THSD7B: variants seen among roughly 807,000 people sequenced by gnomAD.
The protein encoded by THSD7B is thrombospondin type-1 domain-containing protein 7B.
THSD7B carries 138 observed loss-of-function variants against 213.6 expected under a neutral mutation model. The observed-to-expected ratio is 0.65, with a 90% confidence interval of 0.56 to 0.74. The LOEUF (loss-of-function observed/expected upper bound fraction) is 0.74. Among genes scored for constraint, THSD7B ranks in the 30% least tolerant of loss-of-function variants. The pLI is 0.00. For missense variants in THSD7B, 1,931 were observed against 1,991.5 expected, an observed-to-expected ratio of 0.97 and a Z score of 0.58; for synonymous variants, 742 against 687.0, an observed-to-expected ratio of 1.08 and a Z score of -1.25.
At chr2:136,968,450 A>T (rs186511866) in intron 2 of THSD7B, among the ~76,000 whole-genome samples, 37 of 151,906 alleles carry the variant, frequency 2.4e-4, no homozygotes, top group Non-Finnish European at 3.1e-4. Flanking sequence ...TACCCATTTG[A>T]GTATTTAGGT....
chr2:137,212,552 T>A (rs369868858), intron 7 of THSD7B, among the ~76,000 whole-genome samples: 42 of 152,196 alleles, frequency 2.8e-4, no homozygotes, highest in African/African-American at 9.4e-4. Context: ...AAACATTGTC[T>A]GAATTGGGAC....
intron 7 of THSD7B, among the ~76,000 whole-genome samples, chr2:137,207,607 G>A (rs192525714): frequency 1.3e-5 from 2 of 152,138 alleles, no homozygotes; most frequent in Non-Finnish European, 2.9e-5. Flanking sequence ...ATAAGGATAG[G>A]CAGCCAGCAT....
At chr2:136,775,060 TATGAC>T (rs1681575232) in intron 1 of THSD7B, among the ~76,000 whole-genome samples, 3 of 152,138 alleles carry the variant, frequency 2.0e-5, no homozygotes, top group African/African-American at 7.2e-5. Flanking sequence ...CCTATGGAGA[TATGAC>T]ATGCACATTC....
chr2:137,320,758 C>A (rs28610357), intron 12 of THSD7B, among the ~76,000 whole-genome samples: 6,638 of 152,280 alleles, frequency 0.044, 454 homozygotes, highest in African/African-American at 0.14. Flanking sequence ...TTAATTCTTT[C>A]ATACCCCTGG....
At chr2:137,407,794 G>T (rs372137897) in intron 13 of THSD7B, among the ~76,000 whole-genome samples, 1 of 151,948 alleles carries the variant, frequency 6.6e-6, no homozygotes, top group South Asian at 2.1e-4. Flanking sequence ...TTCACTGAGC[G>T]TTCTGTATGT....
chr2:137,160,600 T>C (rs1318588330), intron 6 of THSD7B, among the ~76,000 whole-genome samples: 2 of 152,150 alleles, frequency 1.3e-5, no homozygotes, highest in African/African-American at 4.8e-5. Flanking sequence ...ACTACTCTAT[T>C]TGGTATAACT....
At chr2:137,035,184 A>C (rs1686752930) in intron 2 of THSD7B, among the ~76,000 whole-genome samples, 1 of 152,168 alleles carries the variant, frequency 6.6e-6, no homozygotes, top group African/African-American at 2.4e-5. Flanking sequence ...GTCTCTTATC[A>C]TTAGGCCATC....
chr2:137,558,176 C>G (rs944843716), intron 15 of THSD7B, among the ~76,000 whole-genome samples: 8 of 152,092 alleles, frequency 5.3e-5, no homozygotes, highest in Admixed American at 5.2e-4. Flanking sequence ...CTATTCCAAT[C>G]AATAGAAAAA....
chr2:137,295,696 G>T (rs186411370), intron 12 of THSD7B, among the ~76,000 whole-genome samples: 1 of 152,120 alleles, frequency 6.6e-6, no homozygotes, highest in African/African-American at 2.4e-5. Flanking sequence ...AGATGGTCTT[G>T]ATCTCCTGAT....
At chr2:136,955,603 T>TTTATA (rs1685110600) in intron 2 of THSD7B, among the ~76,000 whole-genome samples, 1 of 152,180 alleles carries the variant, frequency 6.6e-6, no homozygotes, top group African/African-American at 2.4e-5. Flanking sequence ...GACATGAGTT[T>TTTATA]TCTTATATTT....
intron 12 of THSD7B, among the ~76,000 whole-genome samples, chr2:137,302,111 A>C (rs1425362828): frequency 6.6e-6 from 1 of 152,052 alleles, no homozygotes; most frequent in Non-Finnish European, 1.5e-5. Context: ...AGGCCCTATA[A>C]ATGTTATGAG....
intron 1 of THSD7B, among the ~76,000 whole-genome samples, chr2:136,777,980 G>A (rs574859758): frequency 3.9e-5 from 6 of 152,242 alleles, no homozygotes; most frequent in South Asian, 2.1e-4. Flanking sequence ...AATGCATAAA[G>A]ATGAACATGC....
chr2:136,919,990 G>A (rs1286750865), intron 2 of THSD7B, among the ~76,000 whole-genome samples: 1 of 152,254 alleles, frequency 6.6e-6, no homozygotes, highest in East Asian at 1.9e-4. Flanking sequence ...GGATTGCAGA[G>A]CCCCAAAGAG....
At chr2:137,009,950 A>G (rs1362897434) in intron 2 of THSD7B, among the ~76,000 whole-genome samples, 1 of 152,250 alleles carries the variant, frequency 6.6e-6, no homozygotes. Context: ...GCTGCAGCAT[A>G]AAACAGTAAC....
intron 2 of THSD7B, among the ~76,000 whole-genome samples, chr2:137,002,775 TTC>T (rs1354714393): frequency 6.6e-6 from 1 of 152,224 alleles, no homozygotes; most frequent in African/African-American, 2.4e-5. Flanking sequence ...TTTGCCTTAA[TTC>T]TCTTTCCATA....
At chr2:136,996,075 G>T (rs146367200) in intron 2 of THSD7B, among the ~76,000 whole-genome samples, 1 of 151,956 alleles carries the variant, frequency 6.6e-6, no homozygotes, top group Non-Finnish European at 1.5e-5. Context: ...ATTTAAAGAT[G>T]TAATAGTGTT....
At position 137,411,830 on chromosome 2, in the gene THSD7B, A is replaced by G; in HGVS notation, c.2917A>G (p.Lys973Glu). ...CTTTCGAGCAGTAGCCTGTTCTGAT[A>G]AAAATGGAAGACCTGTTGACCCCTC... is the stretch of plus-strand genomic sequence containing the variant. ...LRFRAVACSD[K>E]NGRPVDPSFC... Residue 973 changes from lysine (K) to glutamate (E), a missense_variant, in exon 14 of 28, where the codon AAA becomes GAA. Lys to Glu is a moderately conservative substitution (Grantham distance 56, BLOSUM62 1). Coordinates refer to ENST00000409968, the MANE Select transcript of THSD7B (RefSeq NM_001316349.2). 6.2e-7 allele frequency: 1 copy of G among 1,614,040 alleles called. No individual in the cohort carries two copies.
intron 2 of THSD7B, among the ~76,000 whole-genome samples, chr2:137,013,913 C>CTGT (rs1250150053): frequency 2.6e-5 from 4 of 152,208 alleles, no homozygotes; most frequent in Non-Finnish European, 5.9e-5. Flanking sequence ...CCACAGCAGT[C>CTGT]TGTTACATTC....
intron 4 of THSD7B, among the ~76,000 whole-genome samples, chr2:137,097,769 GACACACACACAC>G (rs3050089): frequency 0.12 from 16,891 of 141,406 alleles, 1,348 homozygotes; most frequent in African/African-American, 0.24. Flanking sequence ...CGCTAAGTTT[GACACACACACAC>G]ACACACACAC....
Sources: gnomAD v4.1 joint callset for allele counts (sites outside exome capture counted in the v4.1 genomes callset) on GRCh38, gnomAD v4.1.1 for gene constraint, MANE v1.5 for transcripts, NCBI Gene and HGNC (gene_info 2026-07-23, HGNC 2026-07-21) for gene names.